The following EPHA6 variants were observed in gnomAD, a reference collection of about 807,000 sequenced individuals.
EPHA6 encodes the protein EPH receptor A6, also known as ephrin type-A receptor 6.
In EPHA6, 50 loss-of-function variants were observed where a neutral mutation model predicts 112.0. The ratio of observed to expected loss-of-function variants is 0.45; its 90% CI spans 0.36 to 0.56. The LOEUF is 0.56. Ranked by LOEUF, EPHA6 falls within the 20% of genes least tolerant of loss-of-function variation. EPHA6 has a pLI of 0.00. For synonymous variants in EPHA6, 529 were observed against 490.7 expected, an observed-to-expected ratio of 1.08 and a Z score of -1.03; for missense variants, 1,280 against 1,417.4, an observed-to-expected ratio of 0.90 and a Z score of 1.56.
chr3:97,244,548 A>G, intron 5 of EPHA6: 1 of 453,544 alleles, frequency 2.2e-6, no homozygotes, highest in Non-Finnish European at 3.9e-6. Flanking sequence ...ATCATATAAC[A>G]ATATATCTTA....
At chr3:96,939,811 C>T (rs2040830807) in intron 2 of EPHA6, among the ~76,000 whole-genome samples, 1 of 152,048 alleles carries the variant, frequency 6.6e-6, no homozygotes, top group Non-Finnish European at 1.5e-5. Context: ...TGTCTTTGTT[C>T]CCGTTGGTTT....
At chr3:96,846,786 C>T (rs982819462) in intron 1 of EPHA6, among the ~76,000 whole-genome samples, 8 of 152,122 alleles carry the variant, frequency 5.3e-5, no homozygotes, top group Admixed American at 5.3e-4. Flanking sequence ...GGAGTAGCTC[C>T]AGTCACCCTT....
intron 11 of EPHA6, among the ~76,000 whole-genome samples, chr3:97,572,447 G>A (rs963365976): frequency 6.6e-6 from 1 of 152,006 alleles, no homozygotes; most frequent in Non-Finnish European, 1.5e-5. Context: ...ACCGCGCCTG[G>A]CAAAACACTG....
intron 5 of EPHA6, among the ~76,000 whole-genome samples, chr3:97,395,942 A>G (rs2086669615): frequency 6.6e-6 from 1 of 151,724 alleles, no homozygotes; most frequent in South Asian, 2.1e-4. Flanking sequence ...AGAACCTAGG[A>G]CATAGTTGGA....
At chr3:97,428,172 A>T (rs994618648) in intron 6 of EPHA6, among the ~76,000 whole-genome samples, 1 of 152,214 alleles carries the variant, frequency 6.6e-6, no homozygotes, top group Admixed American at 6.5e-5. Context: ...GACTACATAT[A>T]ATATAAAAAT....
At chr3:97,566,540 T>A (rs2093269559) in intron 11 of EPHA6, among the ~76,000 whole-genome samples, 3 of 152,184 alleles carry the variant, frequency 2.0e-5, no homozygotes, top group Admixed American at 6.5e-5. Flanking sequence ...TGACTTGAAG[T>A]CAACTTTATG....
intron 3 of EPHA6, among the ~76,000 whole-genome samples, chr3:97,044,585 A>G (rs1467536313): frequency 1.3e-5 from 2 of 152,162 alleles, no homozygotes; most frequent in Non-Finnish European, 2.9e-5. Context: ...CTGGCCTAAC[A>G]TAAAGATACC....
At chr3:96,860,010 A>C (rs1169538216) in intron 1 of EPHA6, among the ~76,000 whole-genome samples, 1 of 152,196 alleles carries the variant, frequency 6.6e-6, no homozygotes. Context: ...AAGTTAAAGT[A>C]GAAAACTGGT....
chr3:97,154,578 G>A (rs2076246620), intron 3 of EPHA6, among the ~76,000 whole-genome samples: 2 of 152,262 alleles, frequency 1.3e-5, no homozygotes, highest in Non-Finnish European at 2.9e-5. Flanking sequence ...TCTCAAAAAT[G>A]TATTCCCTGT....
At chr3:97,570,102 C>A (rs1441725537) in intron 11 of EPHA6, among the ~76,000 whole-genome samples, 1 of 151,838 alleles carries the variant, frequency 6.6e-6, no homozygotes, top group African/African-American at 2.4e-5. Flanking sequence ...TTTATACTAC[C>A]CAGCTGCCAC....
At chr3:97,181,603 A>ATG (rs748725366) in intron 3 of EPHA6, among the ~76,000 whole-genome samples, 1 of 151,610 alleles carries the variant, frequency 6.6e-6, no homozygotes, top group Non-Finnish European at 1.5e-5. Context: ...GTGTGTATAT[A>ATG]TGTGTGTGTG....
chr3:97,098,828 G>A (rs1046988782), intron 3 of EPHA6, among the ~76,000 whole-genome samples: 5 of 151,864 alleles, frequency 3.3e-5, no homozygotes, highest in African/African-American at 1.2e-4. Flanking sequence ...ACTGATGAAT[G>A]TTTGTTGCTA....
Position 97,539,653 on chromosome 3 carries a change from A to T in EPHA6, c.2386+7110A>T, listed in dbSNP as rs59117170. ...TCCCAGGTTTCTCTTCTTTTTCTAA[A>T]TCTGCAAGGAGCTAGAAGACAATGG... On this transcript the variant is annotated intron_variant, in intron 11 of 17. Coordinates refer to ENST00000389672, the MANE Select transcript of EPHA6 (RefSeq NM_001080448.3). 7.3e-3 allele frequency among the ~76,000 whole-genome samples: 1,113 copies of T among 152,258 alleles called. 11 individuals carry two copies. Among genetic ancestry groups the T allele is most frequent in the African/African-American group, 0.02 (832 of 41,546 alleles).
At chr3:97,711,310 C>T (rs995229960) in intron 14 of EPHA6, among the ~76,000 whole-genome samples, 1 of 147,734 alleles carries the variant, frequency 6.8e-6, no homozygotes, top group Non-Finnish European at 1.5e-5. Context: ...CACTAAACCT[C>T]TTTCTTTTGT....
chr3:97,664,812 A>T (rs2094194462), intron 14 of EPHA6, among the ~76,000 whole-genome samples: 1 of 152,194 alleles, frequency 6.6e-6, no homozygotes, highest in Non-Finnish European at 1.5e-5. Context: ...CTGCTCAACG[A>T]AATAAAAGAG....
Position 97,748,610 on chromosome 3 carries a change from T to C in EPHA6, c.3302T>C (p.Ile1101Thr), listed in dbSNP as rs1487107531. The C allele has an allele frequency of 6.2e-7, 1 of 1,608,350 alleles. No individual in the cohort carries two copies. The highest frequency in any genetic ancestry group is 1.1e-5 in the South Asian group (1 of 90,688). ...AGTGACATTAGAAGAATTGGAGTCA[T>C]ACTTATTGGACACCAGAGACGAATA... Reference protein sequence around the residue: ...SIDDIRRIGVILIGHQRRIVS... With the variant: ...SIDDIRRIGVTLIGHQRRIVS... Residue 1101 changes from isoleucine (I) to threonine (T), a missense_variant, in exon 18 of 18, where the codon ATA becomes ACA. Physicochemically the swap from Ile to Thr is moderately conservative, Grantham distance 89. Coordinates refer to ENST00000389672, the MANE Select transcript of EPHA6 (RefSeq NM_001080448.3).
chr3:97,474,977 T>G (rs916066994), intron 7 of EPHA6, among the ~76,000 whole-genome samples: 2 of 152,104 alleles, frequency 1.3e-5, no homozygotes, highest in East Asian at 3.9e-4. Flanking sequence ...CTATAAAGCC[T>G]GGTCTATTGG....
chr3:97,526,067 C>T (rs528356950), intron 10 of EPHA6, among the ~76,000 whole-genome samples: 18 of 152,222 alleles, frequency 1.2e-4, no homozygotes, highest in African/African-American at 3.1e-4. Context: ...TCTTTAGCCC[C>T]CACGAATAGG....
chr3:97,010,702 C>G (rs1228541233), intron 3 of EPHA6, among the ~76,000 whole-genome samples: 1 of 151,658 alleles, frequency 6.6e-6, no homozygotes, highest in Non-Finnish European at 1.5e-5. Flanking sequence ...ACTCTGTTGC[C>G]CAGGCTGGAG....
Sources: gnomAD v4.1 joint callset for allele counts (sites outside exome capture counted in the v4.1 genomes callset) on GRCh38, gnomAD v4.1.1 for gene constraint, MANE v1.5 for transcripts, NCBI Gene and HGNC (gene_info 2026-07-23, HGNC 2026-07-21) for gene names.